The following LRP1B variants were observed in gnomAD, a reference collection of about 807,000 sequenced individuals.
LRP1B encodes the protein LDL receptor related protein 1B.
Under a neutral mutation model 556.6 loss-of-function variants are expected in LRP1B, and 217 were observed. That is an observed-to-expected ratio of 0.39 (90% CI 0.35 to 0.44). The LOEUF (loss-of-function observed/expected upper bound fraction) is 0.44. Among genes scored for constraint, LRP1B ranks in the 20% least tolerant of loss-of-function variants. LRP1B has a pLI of 1.00. For synonymous variants in LRP1B, 2,047 were observed against 1,865.8 expected, an observed-to-expected ratio of 1.10 and a Z score of -2.50; for missense variants, 5,053 against 5,620.8, an observed-to-expected ratio of 0.90 and a Z score of 3.23.
At chr2:140,359,411 TTGTCTC>T (rs1189359280) in intron 72 of LRP1B, among the ~76,000 whole-genome samples, 1 of 151,658 alleles carries the variant, frequency 6.6e-6, no homozygotes, top group Admixed American at 6.6e-5. Context: ...TTCTTACTCT[TTGTCTC>T]TGTAAACAAA....
At chr2:140,337,224 T>C (rs1427219254) in intron 77 of LRP1B, among the ~76,000 whole-genome samples, 1 of 151,896 alleles carries the variant, frequency 6.6e-6, no homozygotes, top group African/African-American at 2.4e-5. Flanking sequence ...TTTCCAATGC[T>C]GTTTATGATC....
At chr2:140,451,551 C>G (rs1370728025) in intron 62 of LRP1B, among the ~76,000 whole-genome samples, 1 of 152,138 alleles carries the variant, frequency 6.6e-6, no homozygotes, top group African/African-American at 2.4e-5. Context: ...TCTTTTCCAG[C>G]TCTGTCATGC....
intron 9 of LRP1B, among the ~76,000 whole-genome samples, chr2:141,056,000 A>G (rs1051141737): frequency 1.3e-5 from 2 of 151,904 alleles, no homozygotes; most frequent in Non-Finnish European, 2.9e-5. Flanking sequence ...TAGGAATAAT[A>G]TAAGTAAGAT....
intron 7 of LRP1B, among the ~76,000 whole-genome samples, chr2:141,080,010 G>A (rs1457102721): frequency 6.6e-6 from 1 of 152,174 alleles, no homozygotes; most frequent in Admixed American, 6.5e-5. Context: ...CGTGTCTAGT[G>A]TCAAAAGGAA....
intron 41 of LRP1B, among the ~76,000 whole-genome samples, chr2:140,619,459 G>A (rs1202988008): frequency 6.6e-6 from 1 of 152,070 alleles, no homozygotes; most frequent in African/African-American, 2.4e-5. Context: ...GAATAAAATG[G>A]GTGAAAGACT....
At chr2:140,577,807 T>A (rs1462223316) in intron 43 of LRP1B, among the ~76,000 whole-genome samples, 1 of 152,150 alleles carries the variant, frequency 6.6e-6, no homozygotes, top group African/African-American at 2.4e-5. Context: ...CAAAATCAGT[T>A]TTTTGCCTTC....
intron 37 of LRP1B, among the ~76,000 whole-genome samples, chr2:140,703,022 G>C (rs1021587010): frequency 3.3e-5 from 5 of 152,096 alleles, no homozygotes; most frequent in African/African-American, 7.2e-5. Context: ...AACAAGGACA[G>C]TGATCACTCC....
At chr2:141,826,354 G>GTTTTTTTTTTTTTTTTTTTTTTTTTTTT (rs70994454) in intron 1 of LRP1B, among the ~76,000 whole-genome samples, 1 of 97,076 alleles carries the variant, frequency 1.0e-5, no homozygotes, top group African/African-American at 3.8e-5. Flanking sequence ...CTTTTCAGAA[G>GTTTTTTTTTTTTTTTTTTTTTTTTTTTT]TTTTTTTTTT....
chr2:142,059,561 C>A (rs186048218), intron 1 of LRP1B, among the ~76,000 whole-genome samples: 1 of 151,730 alleles, frequency 6.6e-6, no homozygotes, highest in Admixed American at 6.6e-5. Flanking sequence ...ATATAGTAGG[C>A]GATCTTTTAA....
chr2:140,278,744 A>T (rs1307856820), intron 84 of LRP1B, among the ~76,000 whole-genome samples: 1 of 151,974 alleles, frequency 6.6e-6, no homozygotes, highest in African/African-American at 2.4e-5. Context: ...TTCCCCTCTA[A>T]AAATGGCAGA....
At position 141,591,363 on chromosome 2, in the gene LRP1B, GT is replaced by G. The variant is rs71391662; in HGVS notation, c.206-110831del. ...GGTTTTTTTTTGTTGTTGTTTGTTT[GT>G]TTTTTTTTTTTTCCCAGGCCTCTGA... On this transcript the variant is annotated intron_variant, in intron 2 of 90. Transcript: ENST00000389484. Among the ~76,000 whole-genome samples the G allele has an allele frequency of 2.7e-3, 382 of 139,028 alleles. 2 individuals carry two copies. The highest frequency in any genetic ancestry group is 0.011 in the East Asian group (51 of 4,650). 91.2% of individuals were successfully genotyped at this position (139,028 alleles called of 152,430 possible). A position where few individuals can be genotyped will look rare whatever the true frequency, so the allele number is the denominator to read the frequency against.
intron 41 of LRP1B, among the ~76,000 whole-genome samples, chr2:140,634,324 T>C (rs1303188438): frequency 2.0e-5 from 3 of 152,124 alleles, no homozygotes; most frequent in Admixed American, 6.5e-5. Context: ...ACATACATGA[T>C]TATTGGATAA....
chr2:140,663,818 G>A (rs75701033), intron 41 of LRP1B, among the ~76,000 whole-genome samples: 15,951 of 152,116 alleles, frequency 0.1, 978 homozygotes, highest in East Asian at 0.25. Context: ...CTTTTATTGC[G>A]TTTCAACATG....
intron 2 of LRP1B, among the ~76,000 whole-genome samples, chr2:141,563,407 A>T (rs1433882658): frequency 6.6e-6 from 1 of 152,080 alleles, no homozygotes; most frequent in African/African-American, 2.4e-5. Flanking sequence ...ACCTCCAAGT[A>T]CACTCCTCTT....
At chr2:140,693,404 A>G (rs1217768459) in intron 41 of LRP1B, among the ~76,000 whole-genome samples, 1 of 150,938 alleles carries the variant, frequency 6.6e-6, no homozygotes, top group Non-Finnish European at 1.5e-5. Context: ...TATGGCCTCA[A>G]AACCCTGGAC....
At chr2:140,910,096 C>CAA (rs143067007) in intron 21 of LRP1B, among the ~76,000 whole-genome samples, 1 of 146,066 alleles carries the variant, frequency 6.8e-6, no homozygotes, top group African/African-American at 2.5e-5. Flanking sequence ...AGAATCTTAC[C>CAA]AAAACAAAAA....
Position 140,536,366 on chromosome 2 carries a change from A to G in LRP1B, c.7642+215T>C, listed in dbSNP as rs143984162. Among the ~76,000 whole-genome samples the G allele has an allele frequency of 3.3e-3, 491 of 149,052 alleles. 4 individuals are homozygous for G. Among genetic ancestry groups the G allele is most frequent in the African/African-American group, 0.012 (478 of 40,456 alleles). On this transcript the variant is annotated intron_variant, in intron 46 of 90. Coordinates refer to ENST00000389484, the MANE Select transcript of LRP1B (RefSeq NM_018557.3). ...AAGGCTATTTTGTGGATAGAAAACC[A>G]TGAGGAAATTATTTAGTGAATATCA...
chr2:140,815,767 G>T (rs1307327916), intron 31 of LRP1B, among the ~76,000 whole-genome samples: 2 of 151,930 alleles, frequency 1.3e-5, no homozygotes, highest in Non-Finnish European at 2.9e-5. Context: ...TATATGGGAA[G>T]TTTAAGCAAA....
At chr2:141,059,403 T>A (rs1699276518) in intron 8 of LRP1B, among the ~76,000 whole-genome samples, 1 of 151,762 alleles carries the variant, frequency 6.6e-6, no homozygotes, top group Non-Finnish European at 1.5e-5. Context: ...TAATTTGAGA[T>A]ATTTTAAGGG....
Sources: gnomAD v4.1 joint callset for allele counts (sites outside exome capture counted in the v4.1 genomes callset) on GRCh38, gnomAD v4.1.1 for gene constraint, MANE v1.5 for transcripts, NCBI Gene and HGNC (gene_info 2026-07-23, HGNC 2026-07-21) for gene names.